FTO: variants seen among roughly 807,000 people sequenced by gnomAD.
FTO encodes the protein FTO alpha-ketoglutarate dependent dioxygenase.
In FTO, 47 loss-of-function variants were observed where a neutral mutation model predicts 63.9. That is an observed-to-expected ratio of 0.74 (90% CI 0.58 to 0.94). The LOEUF is 0.94. Ranked by LOEUF, FTO falls within the 40% of genes least tolerant of loss-of-function variation. The pLI is 0.00. For synonymous variants in FTO, 207 were observed against 224.4 expected (o/e 0.92, Z 0.69); for missense variants, 562 against 618.1 (o/e 0.91, Z 0.96).
chr16:54,034,445 G>A (rs1352446770), intron 8 of FTO, among the ~76,000 whole-genome samples: 2 of 152,264 alleles, frequency 1.3e-5, no homozygotes, highest in African/African-American at 4.8e-5. Flanking sequence ...CTGTTGGCAT[G>A]AGTACATTGG....
intron 8 of FTO, among the ~76,000 whole-genome samples, chr16:54,007,179 A>G (rs1183089144): frequency 6.6e-6 from 1 of 152,228 alleles, no homozygotes; most frequent in Non-Finnish European, 1.5e-5. Context: ...ATTCAGAGTG[A>G]AAAAGAATGG....
chr16:53,962,059 C>A (rs1034236539), intron 8 of FTO, among the ~76,000 whole-genome samples: 1 of 152,200 alleles, frequency 6.6e-6, no homozygotes, highest in Non-Finnish European at 1.5e-5. Flanking sequence ...CTGTTAACTC[C>A]TTTTACCAGA....
chr16:53,809,009 C>T (rs1158932577), intron 1 of FTO, among the ~76,000 whole-genome samples: 3 of 152,170 alleles, frequency 2.0e-5, no homozygotes, highest in Non-Finnish European at 2.9e-5. Flanking sequence ...CACACGAAAA[C>T]TCCATATATT....
At chr16:54,038,244 G>C (rs1365988318) in intron 8 of FTO, among the ~76,000 whole-genome samples, 1 of 152,218 alleles carries the variant, frequency 6.6e-6, no homozygotes, top group Non-Finnish European at 1.5e-5. Context: ...GACTCTAGGA[G>C]CTGGGAAGAA....
intron 8 of FTO, among the ~76,000 whole-genome samples, chr16:53,944,561 A>C (rs910865358): frequency 1.3e-5 from 2 of 152,214 alleles, no homozygotes; most frequent in African/African-American, 4.8e-5. Context: ...GTTTGGGGGC[A>C]TAGATTCTGA....
intron 7 of FTO, among the ~76,000 whole-genome samples, chr16:53,931,377 G>A (rs76575369): frequency 1.5e-4 from 22 of 147,466 alleles, no homozygotes; most frequent in Non-Finnish European, 2.4e-4. Flanking sequence ...CGCGATCTTG[G>A]CTCACTGCAA....
chr16:53,932,608 T>C, intron 7 of FTO, among the ~76,000 whole-genome samples: 1 of 152,078 alleles, frequency 6.6e-6, no homozygotes, highest in East Asian at 1.9e-4. Flanking sequence ...GAGGCTGATT[T>C]CGAACTCCTG....
intron 1 of FTO, among the ~76,000 whole-genome samples, chr16:53,736,081 T>C (rs951460491): frequency 2.0e-5 from 3 of 152,262 alleles, no homozygotes; most frequent in African/African-American, 7.2e-5. Context: ...ATTATTATTA[T>C]GTCCATTTTA....
chr16:54,083,044 G>T (rs545568565), intron 8 of FTO, among the ~76,000 whole-genome samples: 19 of 152,196 alleles, frequency 1.2e-4, no homozygotes, highest in African/African-American at 4.6e-4. Context: ...TTTATTAAGG[G>T]TTTTATTAAA....
chr16:54,117,387 G>GTCTT lies in FTO; in HGVS notation c.*5474_*5477dup, dbSNP rs1383024835. 1 of 152,128 alleles carries GTCTT rather than the reference G, an allele frequency of 6.6e-6. No individual in the cohort carries two copies. Among genetic ancestry groups the GTCTT allele is most frequent in the Non-Finnish European group, 1.5e-5 (1 of 68,040 alleles). 9.4% of individuals were successfully genotyped at this position (152,128 alleles called of 1,614,324 possible). ...AATCACTTAACCCCTCTGCGCTCCA[G>GTCTT]TCTTTGTTTCTATAATGGGGATGAT... is the stretch of plus-strand genomic sequence containing the variant. On this transcript the variant is annotated 3_prime_UTR_variant, in exon 9 of 9. Transcript: ENST00000471389.
At chr16:53,927,438 C>T (rs1056307702) in intron 7 of FTO, among the ~76,000 whole-genome samples, 2 of 152,048 alleles carry the variant, frequency 1.3e-5, no homozygotes, top group Non-Finnish European at 2.9e-5. Flanking sequence ...ATGTTTGAGG[C>T]AGTGTGTTTA....
intron 8 of FTO, among the ~76,000 whole-genome samples, chr16:53,971,974 C>T (rs2083332224): frequency 6.6e-6 from 1 of 152,142 alleles, no homozygotes; most frequent in Admixed American, 6.5e-5. Context: ...CTCCCCCCTT[C>T]CCTCCTTCAC....
chr16:53,953,128 G>A (rs2082837485), intron 8 of FTO, among the ~76,000 whole-genome samples: 1 of 152,182 alleles, frequency 6.6e-6, no homozygotes, highest in African/African-American at 2.4e-5. Flanking sequence ...AGAACAAAAT[G>A]GGTTGAAAGA....
chr16:54,003,277 T>A (rs998251684), intron 8 of FTO, among the ~76,000 whole-genome samples: 1 of 152,244 alleles, frequency 6.6e-6, no homozygotes, highest in African/African-American at 2.4e-5. Flanking sequence ...GCTGTTGGTA[T>A]GAGCCCCTAA....
intron 8 of FTO, among the ~76,000 whole-genome samples, chr16:54,019,918 T>C (rs1422354603): frequency 3.3e-5 from 5 of 152,162 alleles, no homozygotes; most frequent in African/African-American, 1.2e-4. Context: ...AGGGGAGGAT[T>C]GAAGAATGCA....
intron 7 of FTO, among the ~76,000 whole-genome samples, chr16:53,896,139 G>A (rs1168289327): frequency 6.6e-6 from 1 of 152,048 alleles, no homozygotes; most frequent in African/African-American, 2.4e-5. Flanking sequence ...TTTTCCCTGG[G>A]GTGCTATTTT....
At chr16:53,971,846 A>G (rs1235039113) in intron 8 of FTO, among the ~76,000 whole-genome samples, 1 of 152,212 alleles carries the variant, frequency 6.6e-6, no homozygotes, top group Non-Finnish European at 1.5e-5. Context: ...GAAGCCATCT[A>G]ATAAAATCCC....
chr16:54,048,126 T>TAAAAAAAAAAAAAAAAAAAA (rs71380060), intron 8 of FTO, among the ~76,000 whole-genome samples: 7 of 56,416 alleles, frequency 1.2e-4, no homozygotes, highest in African/African-American at 2.2e-4. Flanking sequence ...AAAAAAAAAT[T>TAAAAAAAAAAAAAAAAAAAA]AAAAAAAAAA....
chr16:53,759,693 C>CAAAAAAAAAAAAAAAAA (rs758376530), intron 1 of FTO, among the ~76,000 whole-genome samples: 3 of 28,502 alleles, frequency 1.1e-4, no homozygotes, highest in African/African-American at 1.6e-4. Flanking sequence ...GACTCCTTCT[C>CAAAAAAAAAAAAAAAAA]AAAAAAAAAA....
Sources: allele counts gnomAD v4.1 joint callset (sites outside exome capture counted in the v4.1 genomes callset), GRCh38; gene constraint gnomAD v4.1.1; transcripts MANE v1.5; gene names NCBI Gene and HGNC (gene_info 2026-07-23, HGNC 2026-07-21).